ARPP21: variants seen among roughly 807,000 people sequenced by gnomAD.
The protein encoded by ARPP21 is cAMP-regulated phosphoprotein 21.
In ARPP21, 69 loss-of-function variants were observed where a neutral mutation model predicts 113.2. The observed-to-expected ratio is 0.61, with a 90% CI of 0.50 to 0.74. The LOEUF is 0.74. Among genes scored for constraint, ARPP21 ranks in the 30% least tolerant of loss-of-function variants. ARPP21 has a pLI of 0.00. For missense variants in ARPP21, 1,070 were observed against 1,037.4 expected (o/e 1.03, Z -0.43); for synonymous variants, 368 against 375.5 (o/e 0.98, Z 0.23).
intron 19 of ARPP21, among the ~76,000 whole-genome samples, chr3:35,758,452 T>C (rs1303555927): frequency 1.3e-5 from 2 of 152,088 alleles, no homozygotes; most frequent in Non-Finnish European, 2.9e-5. Flanking sequence ...GCTTTTGTCT[T>C]TTTAATTTCC....
intron 19 of ARPP21, among the ~76,000 whole-genome samples, chr3:35,782,100 C>T (rs939767072): frequency 2.0e-5 from 3 of 152,140 alleles, no homozygotes; most frequent in Non-Finnish European, 1.5e-5. Flanking sequence ...AAAACATTAG[C>T]ACTTAGCATT....
intron 5 of ARPP21, chr3:35,684,513 C>T (rs368345434): frequency 1.0e-6 from 1 of 985,486 alleles, no homozygotes; most frequent in Non-Finnish European, 1.2e-6. Flanking sequence ...TTTTGTTTGC[C>T]TTTCAGGCAT....
rs1313254640 is a variant in ARPP21, at chr3:35,736,004, G to A, written c.1460-1174G>A. On this transcript the variant is annotated intron_variant, in intron 15 of 20. Coordinates refer to ENST00000684406, the MANE Select transcript of ARPP21 (RefSeq NM_001385562.1). ...CATTTTTTTTCATCGTTACCCAGTT[G>A]TTCCATGTACTCATTATGTAAAATT... is the stretch of plus-strand genomic sequence containing the variant. 3.3e-5 allele frequency among the ~76,000 whole-genome samples: 5 copies of A among 152,124 alleles called. No homozygotes were observed. The South Asian group carries it at 1.0e-3, about 32-fold the overall frequency.
chr3:35,761,536 A>T (rs1322641062), intron 19 of ARPP21, among the ~76,000 whole-genome samples: 1 of 152,092 alleles, frequency 6.6e-6, no homozygotes, highest in Non-Finnish European at 1.5e-5. Context: ...TGCCACTGTC[A>T]GCAAAGTTTG....
chr3:35,664,237 A>G (rs9859804), intron 1 of ARPP21, among the ~76,000 whole-genome samples: 68,791 of 152,036 alleles, frequency 0.45, 15,883 homozygotes, highest in South Asian at 0.58. Flanking sequence ...TCATTGTGTA[A>G]TGATCGAATC....
chr3:35,697,831 G>A (rs567172449), intron 9 of ARPP21, among the ~76,000 whole-genome samples: 94 of 151,632 alleles, frequency 6.2e-4, no homozygotes, highest in African/African-American at 2.2e-3. Context: ...TTTTCCTTCC[G>A]TGTTTATTAT....
chr3:35,684,400 TA>T, intron 5 of ARPP21: 3 of 977,850 alleles, frequency 3.1e-6, no homozygotes, highest in Non-Finnish European at 3.7e-6. Flanking sequence ...TGCATATTTT[TA>T]CCCTTATTTT....
At position 35,717,305 on chromosome 3, in the gene ARPP21, T is replaced by C. The variant is rs1280103159; in HGVS notation, c.943T>C (p.Leu315=). The C allele has an allele frequency of 1.2e-6, 2 of 1,600,248 alleles. No homozygotes were observed. The highest frequency in any genetic ancestry group is 1.7e-6 in the Non-Finnish European group (2 of 1,167,788). The part of the protein sequence containing the change: ...ESLFVENSRL[L]EDSNICNETY... ...CATGTTTTTCATTTCCAGTAGGCTCTTGGAAGACAGTAACATATGCAATGA... is the reference window on the plus strand; with the variant it reads ...CATGTTTTTCATTTCCAGTAGGCTCCTGGAAGACAGTAACATATGCAATGA... Residue 315 remains leucine, a synonymous_variant, in exon 13 of 21, where the codon TTG becomes CTG. Transcript: ENST00000684406.
intron 1 of ARPP21, among the ~76,000 whole-genome samples, chr3:35,677,032 T>G (rs1020401822): frequency 1.3e-5 from 2 of 151,916 alleles, no homozygotes; most frequent in Non-Finnish European, 2.9e-5. Flanking sequence ...TTTCAATAAG[T>G]AAATCTTGAC....
At chr3:35,743,726 C>T (rs1272378934) in intron 18 of ARPP21, 113 bp from the exon 19 acceptor site, 64 of 1,091,728 alleles carry the variant, frequency 5.9e-5, no homozygotes, top group Non-Finnish European at 7.7e-5. Flanking sequence ...GAGAAGTTTG[C>T]GGTGGCCATC....
chr3:35,739,646 T>C, intron 18 of ARPP21, 69 bp downstream of exon 18: 1 of 1,513,580 alleles, frequency 6.6e-7, no homozygotes, highest in African/African-American at 1.4e-5. Flanking sequence ...TATCTTTCTA[T>C]GTAGAAAATA....
At chr3:35,651,479 G>A (rs1702359958) in intron 1 of ARPP21, among the ~76,000 whole-genome samples, 2 of 151,870 alleles carry the variant, frequency 1.3e-5, no homozygotes, top group African/African-American at 4.8e-5. Flanking sequence ...TGTTAACTAT[G>A]CTTTGTTCTT....
In ARPP21 at chr3:35,690,949, C is replaced by T; in HGVS notation, c.630C>T (p.His210=). 1.2e-6 allele frequency: 2 copies of T among 1,610,812 alleles called. No homozygotes were observed. The highest frequency in any genetic ancestry group is 2.2e-5 in the South Asian group (2 of 90,918). Residue 210 remains histidine (H), a synonymous_variant, in exon 9 of 21, where the codon CAC becomes CAT. Coordinates refer to ENST00000684406, the MANE Select transcript of ARPP21 (RefSeq NM_001385562.1). ...HRVAAYFGLD[H]NVDQTGKSVI... ...TGGCAGCTTATTTTGGATTGGATCACAATGTGGATCAAACAGGAAAATCTG... is the reference window on the plus strand; with the variant it reads ...TGGCAGCTTATTTTGGATTGGATCATAATGTGGATCAAACAGGAAAATCTG...
At chr3:35,684,526 T>C (rs1171101518) in intron 5 of ARPP21, 3 of 985,628 alleles carry the variant, frequency 3.0e-6, no homozygotes, top group Non-Finnish European at 3.6e-6. Flanking sequence ...TCAGGCATCA[T>C]ATTAGCTTTT....
At chr3:35,746,138 T>C (rs982866885) in intron 19 of ARPP21, among the ~76,000 whole-genome samples, 22 of 152,200 alleles carry the variant, frequency 1.4e-4, no homozygotes, top group Middle Eastern at 3.2e-3. Context: ...CTCTTAGTTT[T>C]TGTGACCACC....
chr3:35,703,262 T>C (rs1238622844), intron 9 of ARPP21, among the ~76,000 whole-genome samples: 1 of 151,938 alleles, frequency 6.6e-6, no homozygotes, highest in Non-Finnish European at 1.5e-5. Context: ...AGTGCTCATC[T>C]ATTTCAAGCT....
intron 1 of ARPP21, among the ~76,000 whole-genome samples, chr3:35,653,585 C>T (rs1036593539): frequency 6.6e-6 from 1 of 152,126 alleles, no homozygotes. Context: ...GACACACTCT[C>T]CCCCGGTGTC....
chr3:35,657,697 T>C (rs894028812), intron 1 of ARPP21, among the ~76,000 whole-genome samples: 2 of 152,126 alleles, frequency 1.3e-5, no homozygotes, highest in Non-Finnish European at 2.9e-5. Context: ...TCAGAGTCCA[T>C]GCAGATAGTC....
At chr3:35,747,269 C>T (rs559729402) in intron 19 of ARPP21, among the ~76,000 whole-genome samples, 10 of 149,842 alleles carry the variant, frequency 6.7e-5, no homozygotes, top group African/African-American at 1.7e-4. Context: ...GCAGGAGAAT[C>T]GCTTGAACCT....
Sources: gnomAD v4.1 joint callset for allele counts (sites outside exome capture counted in the v4.1 genomes callset) on GRCh38, gnomAD v4.1.1 for gene constraint, MANE v1.5 for transcripts, NCBI Gene and HGNC (gene_info 2026-07-23, HGNC 2026-07-21) for gene names.